The following SEMA4D variants were observed in gnomAD, a reference collection of about 807,000 sequenced individuals.
SEMA4D encodes the protein semaphorin-4D.
A neutral mutation model predicts 74.8 loss-of-function variants in SEMA4D; 22 were observed. That is an observed-to-expected ratio of 0.29 (90% CI 0.21 to 0.42). The LOEUF is 0.42. SEMA4D is among the 10% of genes least tolerant of loss of function. The probability of loss-of-function intolerance (pLI) is 1.00; values close to 1 mark genes in which losing one functional copy is unlikely to be tolerated. For missense variants in SEMA4D, 937 were observed against 1,118.4 expected (o/e 0.84, Z 2.31); for synonymous variants, 445 against 463.7 (o/e 0.96, Z 0.52).
At chr9:89,487,046 T>C (rs1466335145) in intron 1 of SEMA4D, among the ~76,000 whole-genome samples, 2 of 151,954 alleles carry the variant, frequency 1.3e-5, no homozygotes, top group African/African-American at 4.8e-5. Context: ...TTGATACCAA[T>C]ATAAAATACA....
chr9:89,374,780 T>C (rs987215296), downstream of SEMA4D, among the ~76,000 whole-genome samples: 3 of 152,160 alleles, frequency 2.0e-5, no homozygotes, highest in African/African-American at 7.2e-5. Context: ...CAGCCGGGCA[T>C]GGTGGCTCAT....
chr9:89,474,115 A>C lies in SEMA4D; in HGVS notation c.-309-18162T>G, dbSNP rs370659253. ...GGAGTTCCAGCCACTCTGCTGATGC[A>C]TGGCACCAAGTTCTGGGCTCAAGTC... On this transcript the variant is annotated intron_variant, in intron 1 of 15. Coordinates refer to ENST00000422704, the MANE Select transcript of SEMA4D (RefSeq NM_001371194.2). Among the ~76,000 whole-genome samples the C allele has an allele frequency of 8.6e-4, 131 of 152,216 alleles. No homozygotes were observed. The South Asian group carries it at 0.026, about 30-fold the overall frequency.
chr9:89,363,848 A>G, exon 17 of SEMA4D: 1 of 1,614,138 alleles, frequency 6.2e-7, no homozygotes, highest in Non-Finnish European at 8.5e-7. Flanking sequence ...CAGCCAGCTG[A>G]GTGCATGGGC....
chr9:89,390,364 GCGGGGC>G (rs1839570543), intron 9 of SEMA4D, among the ~76,000 whole-genome samples: 7 of 151,888 alleles, frequency 4.6e-5, no homozygotes, highest in Middle Eastern at 3.4e-3. Context: ...AGCCACGGCT[GCGGGGC>G]TGCGGGGCAG....
rs542209317 is a variant in SEMA4D, at chr9:89,430,490, G to A, written c.-243-24791C>T. Among the ~76,000 whole-genome samples the A allele has an allele frequency of 2.2e-4, 33 of 152,304 alleles. No individual in the cohort carries two copies. In the South Asian group the frequency reaches 6.8e-3, roughly 32 times the overall value. On this transcript the variant is annotated intron_variant, in intron 2 of 15. Transcript: ENST00000422704. ...AGCAGCCAGGCTCGGAGGACAAACA[G>A]CCAACATCTTCCCAGGCAGGGAAGA...
chr9:89,398,674 C>CCT (rs1244878797), intron 5 of SEMA4D, among the ~76,000 whole-genome samples: 1 of 152,182 alleles, frequency 6.6e-6, no homozygotes, highest in Non-Finnish European at 1.5e-5. Context: ...TGTAACGCAC[C>CCT]CTCTGGGGCT....
chr9:89,421,238 G>A (rs1846873679), intron 2 of SEMA4D, among the ~76,000 whole-genome samples: 1 of 152,238 alleles, frequency 6.6e-6, no homozygotes, highest in South Asian at 2.1e-4. Context: ...CCCAGAAGCA[G>A]GTAAGGAAGT....
intron 15 of SEMA4D, among the ~76,000 whole-genome samples, chr9:89,380,423 C>G (rs74357972): frequency 0.07 from 10,669 of 152,296 alleles, 797 homozygotes; most frequent in East Asian, 0.23. Flanking sequence ...CCTTGAACCC[C>G]TGGGCACAAG....
At chr9:89,418,379 G>C in intron 2 of SEMA4D, 1 of 985,420 alleles carries the variant, frequency 1.0e-6, no homozygotes, top group Non-Finnish European at 1.2e-6. Flanking sequence ...CTAGAGATGA[G>C]CCCCAGGACC....
At chr9:89,459,727 C>T (rs1031648415) in intron 1 of SEMA4D, among the ~76,000 whole-genome samples, 2 of 152,174 alleles carry the variant, frequency 1.3e-5, no homozygotes, top group Admixed American at 1.3e-4. Context: ...CCTGTCTCCA[C>T]CTGGCTCAAA....
At chr9:89,371,157 C>CTGGGGTGTGGGGTGTGTGTTATGTG (rs1834612961) in intron 16 of SEMA4D, among the ~76,000 whole-genome samples, 1 of 42,748 alleles carries the variant, frequency 2.3e-5, no homozygotes, top group Non-Finnish European at 4.0e-5. Flanking sequence ...TGTGTTATGT[C>CTGGGGTGTGGGGTGTGTGTTATGTG]TGGGGTGTAT....
intron 1 of SEMA4D, among the ~76,000 whole-genome samples, chr9:89,467,319 C>T (rs1166829638): frequency 6.6e-6 from 1 of 152,154 alleles, no homozygotes; most frequent in Non-Finnish European, 1.5e-5. Flanking sequence ...CCTCCGAGGT[C>T]CCTATACCAC....
At chr9:89,476,300 G>A (rs1861732143) in intron 1 of SEMA4D, among the ~76,000 whole-genome samples, 4 of 152,174 alleles carry the variant, frequency 2.6e-5, no homozygotes, top group Admixed American at 2.6e-4. Flanking sequence ...AGCATGCCAC[G>A]GGGCCCGTGC....
chr9:89,478,980 C>T (rs1379642802), intron 1 of SEMA4D, among the ~76,000 whole-genome samples: 1 of 152,236 alleles, frequency 6.6e-6, no homozygotes, highest in Admixed American at 6.5e-5. Context: ...AAAGCTGACA[C>T]ACCTAATTAC....
chr9:89,473,745 C>G (rs1174023516), intron 1 of SEMA4D, among the ~76,000 whole-genome samples: 1 of 151,970 alleles, frequency 6.6e-6, no homozygotes, highest in Non-Finnish European at 1.5e-5. Flanking sequence ...ATCCCAGCTA[C>G]TTGGGAGGCT....
intron 2 of SEMA4D, among the ~76,000 whole-genome samples, chr9:89,412,354 G>A (rs1009349334): frequency 1.3e-5 from 2 of 152,242 alleles, no homozygotes; most frequent in Non-Finnish European, 2.9e-5. Flanking sequence ...ATGTGGCTGA[G>A]AGAAGGTATT....
chr9:89,429,051 A>C (rs1262341390), intron 2 of SEMA4D, among the ~76,000 whole-genome samples: 1 of 152,140 alleles, frequency 6.6e-6, no homozygotes, highest in African/African-American at 2.4e-5. Context: ...TCACAGGCCC[A>C]CTAAGCGGTT....
At chr9:89,417,531 T>C (rs1156335952) in intron 2 of SEMA4D, among the ~76,000 whole-genome samples, 1 of 152,226 alleles carries the variant, frequency 6.6e-6, no homozygotes, top group Non-Finnish European at 1.5e-5. Flanking sequence ...AGATGGGGTT[T>C]GACTTTTGTT....
chr9:89,407,334 G>A (rs560681357), intron 2 of SEMA4D, among the ~76,000 whole-genome samples: 125 of 152,270 alleles, frequency 8.2e-4, no homozygotes, highest in African/African-American at 2.9e-3. Flanking sequence ...GCTGCTGCCT[G>A]GAACTAGAAT....
Sources: allele counts gnomAD v4.1 joint callset (sites outside exome capture counted in the v4.1 genomes callset), GRCh38; gene constraint gnomAD v4.1.1; transcripts MANE v1.5; gene names NCBI Gene and HGNC (gene_info 2026-07-23, HGNC 2026-07-21).